Variants in SRBD1 observed in about 807,000 individuals in gnomAD.
The protein encoded by SRBD1 is S1 RNA binding domain 1, also known as S1 RNA-binding domain-containing protein 1.
In SRBD1, 88 loss-of-function variants were observed where a neutral mutation model predicts 115.3. The ratio of observed to expected loss-of-function variants is 0.76; its 90% CI spans 0.64 to 0.91. The LOEUF (loss-of-function observed/expected upper bound fraction) is 0.91, where lower values mean the gene tolerates loss of function less well. SRBD1 is among the 40% of genes least tolerant of loss of function. SRBD1 has a pLI of 0.00. For missense variants in SRBD1, 1,385 were observed against 1,177.4 expected (o/e 1.18, Z -2.58); for synonymous variants, 509 against 407.7 (o/e 1.25, Z -2.99).
Position 45,534,894 on chromosome 2 carries a change from G to A in SRBD1, c.1874+11838C>T, listed in dbSNP as rs76383168. Among the ~76,000 whole-genome samples the A allele has an allele frequency of 3.0e-3, 457 of 151,950 alleles. 7 individuals carry two copies. The highest frequency in any genetic ancestry group is 0.011 in the African/African-American group (436 of 41,492). On this transcript the variant is annotated intron_variant, in intron 14 of 20. Coordinates refer to ENST00000263736, the MANE Select transcript of SRBD1 (RefSeq NM_018079.5). Reference sequence around the variant, plus strand: ...AGGTGGTTCAGGACAGGGGAGATCTGCTGCACATTATTCTGATAAAGTCAC... The same window carrying A: ...AGGTGGTTCAGGACAGGGGAGATCTACTGCACATTATTCTGATAAAGTCAC...
At chr2:45,469,120 T>C (rs1194524696) in intron 16 of SRBD1, among the ~76,000 whole-genome samples, 1 of 152,194 alleles carries the variant, frequency 6.6e-6, no homozygotes, top group Non-Finnish European at 1.5e-5. Flanking sequence ...TTATAGTTTA[T>C]GTGTTGTAAA....
intron 19 of SRBD1, among the ~76,000 whole-genome samples, chr2:45,396,712 C>A (rs1344159010): frequency 6.6e-6 from 1 of 152,098 alleles, no homozygotes; most frequent in African/African-American, 2.4e-5. Flanking sequence ...TAAGAAAAGT[C>A]TTGTAAGGCT....
chr2:45,452,835 G>C (rs1447658448), intron 16 of SRBD1, among the ~76,000 whole-genome samples: 1 of 151,898 alleles, frequency 6.6e-6, no homozygotes, highest in Non-Finnish European at 1.5e-5. Flanking sequence ...AAAAATAACA[G>C]TTTCTTTTAT....
In SRBD1 at chr2:45,599,758, T is replaced by C. The variant is rs768940247; in HGVS notation, c.339A>G (p.Thr113=). 8 of 1,614,122 alleles carry C rather than the reference T, an allele frequency of 5.0e-6. No homozygotes were observed. Among genetic ancestry groups the C allele is most frequent in the Middle Eastern group, 1.6e-4 (1 of 6,084 alleles). Reference sequence around the variant, plus strand: ...CTGCACATTTCTGTTTTGTCTTGGCTGTTTTCAGAGTCTGTACAGTATCCA... The same window carrying C: ...CTGCACATTTCTGTTTTGTCTTGGCCGTTTTCAGAGTCTGTACAGTATCCA... The part of the protein sequence containing the change: ...NKLDTVQTLK[T]AKTKQKCAAQ... Residue 113 remains threonine, a synonymous_variant, in exon 4 of 21, where the codon ACA becomes ACG. Transcript: ENST00000263736.
intron 11 of SRBD1, among the ~76,000 whole-genome samples, chr2:45,552,888 T>C (rs1006364695): frequency 2.6e-5 from 4 of 152,172 alleles, no homozygotes; most frequent in Admixed American, 6.5e-5. Context: ...AAGCCCTACA[T>C]AGGCTGCTAA....
chr2:45,605,020 C>A (rs914892283), intron 2 of SRBD1, among the ~76,000 whole-genome samples: 3 of 152,194 alleles, frequency 2.0e-5, no homozygotes, highest in African/African-American at 7.2e-5. Context: ...ATAGCCCCCA[C>A]AACAAAGAAT....
intron 10 of SRBD1, among the ~76,000 whole-genome samples, chr2:45,558,063 T>G (rs12712945): frequency 0.8 from 120,955 of 152,114 alleles, 48,686 homozygotes; most frequent in African/African-American, 0.9. Flanking sequence ...ACATTTAAAG[T>G]AGAGACAGTT....
chr2:45,500,426 G>C (rs905240553), intron 14 of SRBD1, among the ~76,000 whole-genome samples: 16 of 146,316 alleles, frequency 1.1e-4, no homozygotes, highest in African/African-American at 3.8e-4. Flanking sequence ...AAACAATATT[G>C]ATTTTTTTTT....
chr2:45,533,226 A>T (rs1671668003), intron 14 of SRBD1, among the ~76,000 whole-genome samples: 1 of 152,056 alleles, frequency 6.6e-6, no homozygotes, highest in South Asian at 2.1e-4. Context: ...AGAAACTATG[A>T]TGGAAAAAAA....
At chr2:45,495,328 G>C (rs1558433513) in intron 14 of SRBD1, among the ~76,000 whole-genome samples, 1 of 152,128 alleles carries the variant, frequency 6.6e-6, no homozygotes, top group African/African-American at 2.4e-5. Context: ...ATGGGGAAAA[G>C]CAAATCAACA....
intron 14 of SRBD1, among the ~76,000 whole-genome samples, chr2:45,524,692 T>A (rs145313409): frequency 3.7e-4 from 56 of 152,116 alleles, no homozygotes; most frequent in African/African-American, 1.2e-3. Flanking sequence ...ATTTAAAGAC[T>A]TAAGATTGTA....
At chr2:45,527,808 T>C (rs1671494824) in intron 14 of SRBD1, among the ~76,000 whole-genome samples, 1 of 151,874 alleles carries the variant, frequency 6.6e-6, no homozygotes. Flanking sequence ...CCATAGCCTA[T>C]GCTCTTAACT....
chr2:45,533,532 A>T (rs2033650), intron 14 of SRBD1, among the ~76,000 whole-genome samples: 1 of 151,908 alleles, frequency 6.6e-6, no homozygotes, highest in African/African-American at 2.4e-5. Flanking sequence ...AAATACTGTT[A>T]ATCTGATGTA....
intron 14 of SRBD1, among the ~76,000 whole-genome samples, chr2:45,539,389 G>A (rs908452631): frequency 1.3e-5 from 2 of 152,160 alleles, no homozygotes; most frequent in Middle Eastern, 3.4e-3. Context: ...GAAAACCCAG[G>A]ATCCACCTAA....
At position 45,573,360 on chromosome 2, in the gene SRBD1, T is replaced by C. The variant is rs754770099; in HGVS notation, c.1170-18A>G. 4.3e-5 allele frequency: 69 copies of C among 1,590,456 alleles called. No homozygotes were observed. The highest frequency in any genetic ancestry group is 4.7e-5 in the Non-Finnish European group (55 of 1,172,852). ...TCTGGCACCTGTTCAGATACACAAG[T>C]GTTCAAAAAACAAGCAGTTATTAAT... On this transcript the variant is annotated intron_variant, in intron 8 of 20. Coordinates refer to ENST00000263736, the MANE Select transcript of SRBD1 (RefSeq NM_018079.5).
At chr2:45,521,309 ACACACACAC>A in intron 14 of SRBD1, among the ~76,000 whole-genome samples, 1 of 151,796 alleles carries the variant, frequency 6.6e-6, no homozygotes. Flanking sequence ...ACACACACAC[ACACACACAC>A]AAACCAAACT....
chr2:45,573,651 G>A (rs1673089116), intron 8 of SRBD1, among the ~76,000 whole-genome samples: 1 of 151,980 alleles, frequency 6.6e-6, no homozygotes, highest in Non-Finnish European at 1.5e-5. Context: ...CAATAGCTCT[G>A]ATCTAAATAT....
chr2:45,603,688 C>T (rs1208004776), intron 2 of SRBD1, among the ~76,000 whole-genome samples: 1 of 152,024 alleles, frequency 6.6e-6, no homozygotes, highest in Non-Finnish European at 1.5e-5. Context: ...TGCCACCATG[C>T]CTGGCTAATT....
intron 14 of SRBD1, among the ~76,000 whole-genome samples, chr2:45,510,141 A>T (rs1415223180): frequency 6.6e-6 from 1 of 152,246 alleles, no homozygotes; most frequent in African/African-American, 2.4e-5. Context: ...GAAACAAATT[A>T]GCACGCATGT....
Sources: gnomAD v4.1 joint callset for allele counts (sites outside exome capture counted in the v4.1 genomes callset) on GRCh38, gnomAD v4.1.1 for gene constraint, MANE v1.5 for transcripts, NCBI Gene and HGNC (gene_info 2026-07-23, HGNC 2026-07-21) for gene names.